Variants in TCF7 observed in about 807,000 individuals in gnomAD.
The protein encoded by TCF7 is transcription factor 7, also known as T-cell-factor-7.
TCF7 carries 19 observed loss-of-function variants against 46.8 expected under a neutral mutation model. That is an observed-to-expected ratio of 0.41 (90% CI 0.28 to 0.60). The LOEUF is 0.60. Ranked by LOEUF, TCF7 falls within the 20% of genes least tolerant of loss-of-function variation. TCF7 has a pLI of 0.35. For synonymous variants in TCF7, 245 were observed against 213.4 expected (o/e 1.15, Z -1.29); for missense variants, 547 against 504.6 (o/e 1.08, Z -0.81).
chr5:134,115,313 C>T lies in TCF7; in HGVS notation c.250-8C>T, dbSNP rs1324323018. 3 of 1,571,874 alleles carry T rather than the reference C, an allele frequency of 1.9e-6. 1 individual carries two copies. The South Asian group carries it at 3.5e-5, about 18-fold the overall frequency. On this transcript the variant is annotated splice_polypyrimidine_tract_variant and splice_region_variant and intron_variant, in intron 1 of 9. Coordinates refer to ENST00000342854, the MANE Select transcript of TCF7 (RefSeq NM_003202.5). ...CCGCCCCTCACTCCCCTCCGGTTCT[C>T]CCTCCAGGCTCTCGGGCGGGAACAC...
intron 8 of TCF7, chr5:134,143,369 A>G (rs1161574375): frequency 1.3e-6 from 1 of 784,414 alleles, no homozygotes; most frequent in Non-Finnish European, 2.3e-6. Flanking sequence ...TCTGGAAGTC[A>G]CCTCCTTCCA....
At chr5:134,133,689 C>CT (rs1203810322) in intron 3 of TCF7, among the ~76,000 whole-genome samples, 1 of 152,178 alleles carries the variant, frequency 6.6e-6, no homozygotes, top group African/African-American at 2.4e-5. Context: ...CCTTGATGCT[C>CT]TGCCCTGGAG....
intron 3 of TCF7, among the ~76,000 whole-genome samples, chr5:134,119,301 AAG>A (rs1419943643): frequency 1.3e-5 from 2 of 152,146 alleles, no homozygotes; most frequent in Non-Finnish European, 1.5e-5. Context: ...TAGAGACAGA[AAG>A]AGGATTAGTG....
intron 9 of TCF7, 50 bp from the exon 10 acceptor site, chr5:134,146,174 G>A: frequency 6.2e-7 from 1 of 1,614,048 alleles, no homozygotes; most frequent in Non-Finnish European, 8.5e-7. Flanking sequence ...TGTGGTGTAT[G>A]ACTATGAATT....
At chr5:134,136,555 G>C (rs939595171) in intron 3 of TCF7, among the ~76,000 whole-genome samples, 1 of 152,092 alleles carries the variant, frequency 6.6e-6, no homozygotes, top group Non-Finnish European at 1.5e-5. Context: ...TTGCTGGCAG[G>C]TGTGGGAGCC....
At chr5:134,136,449 G>A (rs1758873367) in intron 3 of TCF7, among the ~76,000 whole-genome samples, 1 of 152,138 alleles carries the variant, frequency 6.6e-6, no homozygotes, top group South Asian at 2.1e-4. Flanking sequence ...GCCCTGACAG[G>A]TGGCAGTGTC....
upstream of TCF7, among the ~76,000 whole-genome samples, chr5:134,111,410 C>T (rs932198045): frequency 3.9e-5 from 6 of 152,154 alleles, no homozygotes; most frequent in Admixed American, 1.3e-4. Context: ...TGAAACTCCC[C>T]GGTCACCTCC....
chr5:134,136,821 C>T (rs1043835030), intron 3 of TCF7, among the ~76,000 whole-genome samples: 4 of 152,188 alleles, frequency 2.6e-5, no homozygotes, highest in African/African-American at 7.2e-5. Flanking sequence ...TGGGGACGAA[C>T]CCAGGCCACA....
At chr5:134,109,780 AAAAAAAAAAAAAG>A (rs1027798948), upstream of TCF7, among the ~76,000 whole-genome samples, 2 of 6,818 alleles carry the variant, frequency 2.9e-4, no homozygotes, top group Non-Finnish European at 1.6e-3. Context: ...CAAAAAAAAA[AAAAAAAAAAAAAG>A]AACTTAGAGG....
chr5:134,116,228 A>C (rs887373946), intron 3 of TCF7, 195 bp downstream of exon 3: 1 of 1,268,402 alleles, frequency 7.9e-7, no homozygotes, highest in Non-Finnish European at 1.0e-6. Flanking sequence ...GCCCTGGGGC[A>C]CCCCCCTGCC....
chr5:134,128,310 T>C (rs184072692), intron 3 of TCF7, among the ~76,000 whole-genome samples: 7 of 152,152 alleles, frequency 4.6e-5, no homozygotes, highest in African/African-American at 1.7e-4. Flanking sequence ...TGAAGGGCTC[T>C]CCTGAGGCTC....
chr5:134,129,493 G>C (rs1297597838), intron 3 of TCF7, among the ~76,000 whole-genome samples: 2 of 152,214 alleles, frequency 1.3e-5, no homozygotes, highest in Non-Finnish European at 2.9e-5. Flanking sequence ...GGGTTGCCCA[G>C]TCTCAGGGCT....
chr5:134,124,121 G>C (rs1256852709), intron 3 of TCF7, among the ~76,000 whole-genome samples: 1 of 152,172 alleles, frequency 6.6e-6, no homozygotes, highest in East Asian at 1.9e-4. Flanking sequence ...AGGGTGTGGA[G>C]AGCATCTCTG....
chr5:134,130,749 A>G (rs1758005087), intron 3 of TCF7, among the ~76,000 whole-genome samples: 1 of 152,010 alleles, frequency 6.6e-6, no homozygotes, highest in African/African-American at 2.4e-5. Flanking sequence ...TGCTGCAGTG[A>G]CCCTGTGCCC....
chr5:134,115,855 C>G, intron 2 of TCF7, 54 bp from the exon 3 acceptor site: 1 of 1,610,710 alleles, frequency 6.2e-7, no homozygotes, highest in Non-Finnish European at 8.5e-7. Flanking sequence ...AGACAGCCTT[C>G]AGTCCCAGCC....
At chr5:134,126,969 A>G (rs2149304159) in intron 3 of TCF7, among the ~76,000 whole-genome samples, 1 of 152,214 alleles carries the variant, frequency 6.6e-6, no homozygotes. Flanking sequence ...CAGATGGGGA[A>G]ACTGAGGCTC....
chr5:134,145,315 A>G (rs1284349064), intron 9 of TCF7: 1 of 538,538 alleles, frequency 1.9e-6, no homozygotes, highest in East Asian at 5.1e-5. Flanking sequence ...CAAGGTGACA[A>G]CAACACAGAA....
chr5:134,117,880 A>G (rs1210909387), intron 3 of TCF7, among the ~76,000 whole-genome samples: 1 of 152,158 alleles, frequency 6.6e-6, no homozygotes, highest in Non-Finnish European at 1.5e-5. Flanking sequence ...CAGGAGGAGG[A>G]AAAGGACGGG....
At chr5:134,121,767 T>C (rs928588761) in intron 3 of TCF7, among the ~76,000 whole-genome samples, 1 of 152,166 alleles carries the variant, frequency 6.6e-6, no homozygotes, top group African/African-American at 2.4e-5. Context: ...TGAATGATGT[T>C]CTGTACACAT....
Sources: allele counts gnomAD v4.1 joint callset (sites outside exome capture counted in the v4.1 genomes callset), GRCh38; gene constraint gnomAD v4.1.1; transcripts MANE v1.5; gene names NCBI Gene and HGNC (gene_info 2026-07-23, HGNC 2026-07-21).